DYNC1I1: variants seen among roughly 807,000 people sequenced by gnomAD.
DYNC1I1 encodes the protein dynein cytoplasmic 1 intermediate chain 1.
In DYNC1I1, 43 loss-of-function variants were observed where a neutral mutation model predicts 86.6. The observed-to-expected ratio is 0.50, with a 90% confidence interval of 0.39 to 0.64. The LOEUF is 0.64. DYNC1I1 is among the 30% of genes least tolerant of loss of function. The probability of loss-of-function intolerance (pLI) is 0.00; values close to 1 mark genes in which losing one functional copy is unlikely to be tolerated. For missense variants in DYNC1I1, 604 were observed against 788.8 expected (o/e 0.77, Z 2.81); for synonymous variants, 262 against 283.7 (o/e 0.92, Z 0.77).
chr7:95,838,434 A>G (rs139670734), intron 5 of DYNC1I1, among the ~76,000 whole-genome samples: 2,360 of 152,224 alleles, frequency 0.016, 69 homozygotes, highest in African/African-American at 0.054. Context: ...TACTGTTTTG[A>G]TTAATATAGT....
At chr7:95,815,522 A>C (rs1794927623) in intron 4 of DYNC1I1, among the ~76,000 whole-genome samples, 2 of 152,150 alleles carry the variant, frequency 1.3e-5, no homozygotes, top group African/African-American at 4.8e-5. Context: ...ATTCCACACA[A>C]ATTTATGTTT....
Position 95,801,330 on chromosome 7 carries a change from A to G in DYNC1I1, c.-9-3391A>G, listed in dbSNP as rs559405661. ...ACTTAAATGATCAACTTTGTAAGAC[A>G]TATTTATTATTTGCAAGAAAGCCTT... On this transcript the variant is annotated intron_variant, in intron 1 of 16. Coordinates refer to ENST00000447467, the MANE Select transcript of DYNC1I1 (RefSeq NM_001135556.2). Among the ~76,000 whole-genome samples the G allele has an allele frequency of 7.2e-5, 11 of 152,318 alleles. No individual in the cohort carries two copies. In the East Asian group the frequency reaches 2.1e-3, roughly 29 times the overall value.
At position 95,876,869 on chromosome 7, in the gene DYNC1I1, A is replaced by G. The variant is rs1331776738; in HGVS notation, c.490+6871A>G. On this transcript the variant is annotated intron_variant, in intron 6 of 16. Transcript: ENST00000447467. ...GAATCTACTTCCCAGTAAAATTGGT[A>G]AAAATGATAACAACAACAAAACCGC... 2.6e-5 allele frequency among the ~76,000 whole-genome samples: 4 copies of G among 152,320 alleles called. No individual in the cohort carries two copies. In the East Asian group the frequency reaches 7.7e-4, roughly 29 times the overall value.
At chr7:96,108,266 A>G (rs1326725840) in intron 16 of DYNC1I1, among the ~76,000 whole-genome samples, 2 of 152,212 alleles carry the variant, frequency 1.3e-5, no homozygotes, top group Non-Finnish European at 1.5e-5. Flanking sequence ...CTGTCCTGCA[A>G]CGAACCCATT....
chr7:95,976,535 A>C (rs1793306439), intron 6 of DYNC1I1, among the ~76,000 whole-genome samples: 1 of 152,204 alleles, frequency 6.6e-6, no homozygotes, highest in African/African-American at 2.4e-5. Flanking sequence ...ACAGAGCTTG[A>C]GATTTTATAG....
intron 16 of DYNC1I1, among the ~76,000 whole-genome samples, chr7:96,104,362 A>G (rs1791183108): frequency 6.6e-6 from 1 of 152,092 alleles, no homozygotes; most frequent in Admixed American, 6.6e-5. Context: ...ATATGCAAAA[A>G]TTTTAAATTT....
intron 2 of DYNC1I1, among the ~76,000 whole-genome samples, chr7:95,809,196 G>A (rs575228356): frequency 1.3e-4 from 20 of 152,258 alleles, no homozygotes; most frequent in South Asian, 1.0e-3. Flanking sequence ...TGAGCACAGA[G>A]ACATATGCAA....
At chr7:95,998,439 A>G (rs1245848826) in intron 10 of DYNC1I1, among the ~76,000 whole-genome samples, 1 of 152,256 alleles carries the variant, frequency 6.6e-6, no homozygotes, top group Non-Finnish European at 1.5e-5. Context: ...GGAAATTTAG[A>G]GATCCCACAG....
intron 6 of DYNC1I1, among the ~76,000 whole-genome samples, chr7:95,905,335 C>T (rs1791147060): frequency 1.3e-5 from 2 of 152,176 alleles, no homozygotes; most frequent in African/African-American, 2.4e-5. Context: ...TCCACTGGGT[C>T]AGTGACATCG....
intron 14 of DYNC1I1, among the ~76,000 whole-genome samples, chr7:96,059,622 A>G (rs1361781275): frequency 6.6e-6 from 1 of 152,170 alleles, no homozygotes; most frequent in African/African-American, 2.4e-5. Flanking sequence ...AAAAAATGAA[A>G]CAGATCTGGA....
At chr7:95,881,788 C>T (rs1369059537) in intron 6 of DYNC1I1, among the ~76,000 whole-genome samples, 2 of 152,214 alleles carry the variant, frequency 1.3e-5, no homozygotes, top group Middle Eastern at 6.4e-3. Flanking sequence ...CCCCTGGCAG[C>T]CCATTCACAT....
In DYNC1I1 at chr7:96,022,632, G is replaced by A. The variant is rs187745710; in HGVS notation, c.970-5543G>A. Among the ~76,000 whole-genome samples, 164 of 152,156 alleles carry A rather than the reference G, an allele frequency of 1.1e-3. 1 individual carries two copies. Among genetic ancestry groups the A allele is most frequent in the Middle Eastern group, 6.8e-3 (2 of 294 alleles). On this transcript the variant is annotated intron_variant, in intron 10 of 16. Transcript: ENST00000447467. ...AATCCCAGCACTTTGGGAGGTTGAG[G>A]CAGGAAGATTGCTTGAGCCCAGGAG...
chr7:95,994,966 G>A (rs1454179062), intron 9 of DYNC1I1, among the ~76,000 whole-genome samples: 1 of 152,112 alleles, frequency 6.6e-6, no homozygotes, highest in Non-Finnish European at 1.5e-5. Context: ...AAAATAAATG[G>A]GCCAGGCATG....
At chr7:95,786,938 T>G (rs1388462580) in intron 1 of DYNC1I1, among the ~76,000 whole-genome samples, 1 of 152,172 alleles carries the variant, frequency 6.6e-6, no homozygotes, top group Non-Finnish European at 1.5e-5. Context: ...GGTGACACTC[T>G]TGAGCATCAA....
chr7:96,039,511 T>G, intron 14 of DYNC1I1, 90 bp downstream of exon 14: 3 of 1,545,144 alleles, frequency 1.9e-6, no homozygotes, highest in Non-Finnish European at 2.7e-6. Context: ...CTAAAGCCTC[T>G]TCCAGGCAAC....
At chr7:95,778,298 G>C (rs375356616) in intron 1 of DYNC1I1, among the ~76,000 whole-genome samples, 5 of 152,342 alleles carry the variant, frequency 3.3e-5, no homozygotes, top group South Asian at 2.1e-4. Context: ...ACAGGCAAAA[G>C]CTGCGGATCT....
chr7:95,838,145 T>C (rs1238606692), intron 5 of DYNC1I1, among the ~76,000 whole-genome samples: 3 of 152,246 alleles, frequency 2.0e-5, no homozygotes, highest in African/African-American at 7.2e-5. Context: ...ACATTTTCTT[T>C]TAGGAGTTGT....
chr7:95,871,623 G>A (rs1790171508), intron 6 of DYNC1I1, among the ~76,000 whole-genome samples: 1 of 152,164 alleles, frequency 6.6e-6, no homozygotes. Flanking sequence ...TTTAAAATGT[G>A]TACTTAAGAT....
At chr7:96,069,808 G>A (rs1463056101) in intron 14 of DYNC1I1, among the ~76,000 whole-genome samples, 1 of 152,200 alleles carries the variant, frequency 6.6e-6, no homozygotes, top group Admixed American at 6.5e-5. Context: ...GTAGAGGGAA[G>A]CAGTGCAACA....
Sources: gnomAD v4.1 joint callset for allele counts (sites outside exome capture counted in the v4.1 genomes callset) on GRCh38, gnomAD v4.1.1 for gene constraint, MANE v1.5 for transcripts, NCBI Gene and HGNC (gene_info 2026-07-23, HGNC 2026-07-21) for gene names.